CSMD1: variants seen among roughly 807,000 people sequenced by gnomAD.
The protein encoded by CSMD1 is CUB and Sushi multiple domains 1.
In CSMD1, 213 loss-of-function variants were observed where a neutral mutation model predicts 417.5. The ratio of observed to expected loss-of-function variants is 0.51; its 90% CI spans 0.46 to 0.57. The LOEUF (loss-of-function observed/expected upper bound fraction) is 0.57. Among genes scored for constraint, CSMD1 ranks in the 20% least tolerant of loss-of-function variants. CSMD1 has a pLI of 0.00. For synonymous variants in CSMD1, 2,862 were observed against 1,736.8 expected (o/e 1.65, Z -16.11); for missense variants, 6,923 against 4,529.7 (o/e 1.53, Z -15.17).
intron 5 of CSMD1, among the ~76,000 whole-genome samples, chr8:3,799,107 A>G (rs1485211470): frequency 6.6e-6 from 1 of 152,084 alleles, no homozygotes; most frequent in African/African-American, 2.4e-5. Flanking sequence ...TATTATCCTC[A>G]ATTTGCTACA....
Position 4,259,124 on chromosome 8 carries a change from A to G in CSMD1, c.415+160829T>C, listed in dbSNP as rs144105249. Reference sequence around the variant, plus strand: ...TCTGAAAGGTCGTACTTTAAATATCAGAGCTAATTAGGCCTACCTCCAAAC... The same window carrying G: ...TCTGAAAGGTCGTACTTTAAATATCGGAGCTAATTAGGCCTACCTCCAAAC... On this transcript the variant is annotated intron_variant, in intron 3 of 69. Transcript: ENST00000635120. 8.5e-5 allele frequency among the ~76,000 whole-genome samples: 13 copies of G among 152,306 alleles called. No individual in the cohort carries two copies. In the East Asian group the frequency reaches 2.5e-3, roughly 29 times the overall value.
chr8:3,686,307 A>C (rs1412117207), intron 7 of CSMD1, among the ~76,000 whole-genome samples: 1 of 152,158 alleles, frequency 6.6e-6, no homozygotes, highest in Non-Finnish European at 1.5e-5. Context: ...TTGACAGCTA[A>C]CACTGTGACT....
At chr8:4,380,779 G>A (rs1209790526) in intron 3 of CSMD1, among the ~76,000 whole-genome samples, 1 of 149,470 alleles carries the variant, frequency 6.7e-6, no homozygotes, top group Admixed American at 6.9e-5. Flanking sequence ...GAAACAAAAA[G>A]TATATTTAAA....
chr8:3,151,346 G>C lies in CSMD1; in HGVS notation c.6031+51C>G, dbSNP rs564128053. On this transcript the variant is annotated intron_variant, in intron 40 of 69. Coordinates refer to ENST00000635120, the MANE Select transcript of CSMD1 (RefSeq NM_033225.6). ...TTTTATTCTGCTTAATTCTTTCCAA[G>C]ATGGAAATGAAAAAAATGAACTTTT... is the stretch of plus-strand genomic sequence containing the variant. The C allele has an allele frequency of 1.1e-4, 124 of 1,156,052 alleles. 2 individuals carry two copies. In the South Asian group the frequency reaches 1.5e-3, roughly 14 times the overall value. The allele number at this position is 1,156,052 out of a possible 1,614,324, so 71.6% of individuals were successfully genotyped here.
At chr8:3,429,742 T>G (rs2117014871) in intron 12 of CSMD1, among the ~76,000 whole-genome samples, 1 of 152,330 alleles carries the variant, frequency 6.6e-6, no homozygotes, top group East Asian at 1.9e-4. Context: ...GCGTAAAATT[T>G]TCTATGAAAT....
rs566155548 is a variant in CSMD1 at position 3,008,925 on chromosome 8, G to C, written c.8030-8794C>G. Reference sequence around the variant, plus strand: ...CGCAGAGTGAACACCTCACATGCAAGTACAGCAAGGTGAGAGTCTCCGACA... The same window carrying C: ...CGCAGAGTGAACACCTCACATGCAACTACAGCAAGGTGAGAGTCTCCGACA... On this transcript the variant is annotated intron_variant, in intron 52 of 69. Transcript: ENST00000635120. 3.9e-5 allele frequency among the ~76,000 whole-genome samples: 6 copies of C among 152,310 alleles called. No homozygotes were observed. In the East Asian group the frequency reaches 1.2e-3, roughly 29 times the overall value.
At chr8:4,436,156 G>C (rs983933388) in intron 2 of CSMD1, among the ~76,000 whole-genome samples, 1 of 152,138 alleles carries the variant, frequency 6.6e-6, no homozygotes, top group African/African-American at 2.4e-5. Flanking sequence ...TAGATATTGA[G>C]AGAGTTAGAT....
At chr8:4,771,351 C>T (rs1796587299) in intron 1 of CSMD1, among the ~76,000 whole-genome samples, 1 of 152,192 alleles carries the variant, frequency 6.6e-6, no homozygotes, top group African/African-American at 2.4e-5. Context: ...TTAAAAAGAA[C>T]ACCAGGCTTT....
intron 27 of CSMD1, among the ~76,000 whole-genome samples, chr8:3,229,516 A>C (rs1216656948): frequency 6.6e-6 from 1 of 152,234 alleles, no homozygotes; most frequent in Non-Finnish European, 1.5e-5. Flanking sequence ...TAATAAGGTC[A>C]AACTATAAAA....
chr8:4,411,094 C>T (rs186242957), intron 3 of CSMD1, among the ~76,000 whole-genome samples: 30 of 152,236 alleles, frequency 2.0e-4, no homozygotes, highest in South Asian at 8.3e-4. Flanking sequence ...GCCCCCTCCA[C>T]GTGTGGCCAC....
At chr8:3,745,519 G>A (rs1428860663) in intron 6 of CSMD1, among the ~76,000 whole-genome samples, 1 of 152,204 alleles carries the variant, frequency 6.6e-6, no homozygotes, top group Non-Finnish European at 1.5e-5. Context: ...AACTCGCCCA[G>A]GATCTAATCA....
chr8:3,796,523 A>G (rs894729774), intron 5 of CSMD1, among the ~76,000 whole-genome samples: 1 of 144,308 alleles, frequency 6.9e-6, no homozygotes, highest in Non-Finnish European at 1.5e-5. Flanking sequence ...CTATATATCT[A>G]TATCTAAGAT....
Position 4,030,208 on chromosome 8 carries a change from G to A in CSMD1, c.610+1697C>T, listed in dbSNP as rs543243625. On this transcript the variant is annotated intron_variant, in intron 4 of 69. Coordinates refer to ENST00000635120, the MANE Select transcript of CSMD1 (RefSeq NM_033225.6). Reference sequence around the variant, plus strand: ...CTTCTTCTCACAGCTCAACTAGGGCGGTGCCCCAGTAGGGACTCTGTGGGG... The same window carrying A: ...CTTCTTCTCACAGCTCAACTAGGGCAGTGCCCCAGTAGGGACTCTGTGGGG... 6.1e-3 allele frequency among the ~76,000 whole-genome samples: 924 copies of A among 152,150 alleles called. 6 individuals are homozygous for A. Among genetic ancestry groups the A allele is most frequent in the Middle Eastern group, 0.02 (6 of 294 alleles).
chr8:4,552,061 A>T (rs2130568322), intron 2 of CSMD1, among the ~76,000 whole-genome samples: 1 of 152,308 alleles, frequency 6.6e-6, no homozygotes, highest in African/African-American at 2.4e-5. Context: ...TAATCAAATT[A>T]TTGTCAATTG....
At chr8:4,593,056 G>C (rs1800069801) in intron 2 of CSMD1, among the ~76,000 whole-genome samples, 1 of 152,088 alleles carries the variant, frequency 6.6e-6, no homozygotes, top group Admixed American at 6.5e-5. Flanking sequence ...TAAATCACTG[G>C]TGTCATCTCA....
At chr8:2,994,600 T>G (rs1422923501) in intron 54 of CSMD1, among the ~76,000 whole-genome samples, 1 of 152,252 alleles carries the variant, frequency 6.6e-6, no homozygotes, top group Non-Finnish European at 1.5e-5. Context: ...ACAACTCATA[T>G]GTGGTAAATG....
chr8:3,036,378 T>C (rs1297785282), intron 50 of CSMD1, among the ~76,000 whole-genome samples: 1 of 152,242 alleles, frequency 6.6e-6, no homozygotes, highest in Non-Finnish European at 1.5e-5. Flanking sequence ...AATTGTTTTG[T>C]TTTGCTTTGT....
chr8:4,179,542 C>G lies in CSMD1; in HGVS notation c.416-147443G>C, dbSNP rs991509422. On this transcript the variant is annotated intron_variant, in intron 3 of 69. Transcript: ENST00000635120. ...GGCAAAGACTTCATGTCTAAAACAC[C>G]AAAAGCAATGACAACAAAAGACAAA... 3.5e-4 allele frequency among the ~76,000 whole-genome samples: 53 copies of G among 150,356 alleles called. 1 individual carries two copies. The East Asian group carries it at 5.3e-3, about 15-fold the overall frequency.
chr8:4,557,819 C>T (rs764856099), intron 2 of CSMD1, among the ~76,000 whole-genome samples: 1 of 152,134 alleles, frequency 6.6e-6, no homozygotes, highest in Non-Finnish European at 1.5e-5. Flanking sequence ...TTTCATTTCT[C>T]GTTACGTTTC....
Sources: gnomAD v4.1 joint callset for allele counts (sites outside exome capture counted in the v4.1 genomes callset) on GRCh38, gnomAD v4.1.1 for gene constraint, MANE v1.5 for transcripts, NCBI Gene and HGNC (gene_info 2026-07-23, HGNC 2026-07-21) for gene names.